CUBN: variants seen among roughly 807,000 people sequenced by gnomAD.
CUBN encodes 460 kDa receptor.
A neutral mutation model predicts 405.3 loss-of-function variants in CUBN; 282 were observed. The observed-to-expected ratio is 0.70, with a 90% CI of 0.63 to 0.77. The LOEUF is 0.77. Among genes scored for constraint, CUBN ranks in the 30% least tolerant of loss-of-function variants. The probability of loss-of-function intolerance (pLI) is 0.00; values close to 1 mark genes in which losing one functional copy is unlikely to be tolerated. For missense variants in CUBN, 4,514 were observed against 4,475.2 expected (o/e 1.01, Z -0.25); for synonymous variants, 1,684 against 1,617.0 (o/e 1.04, Z -0.99).
At chr10:16,899,522 T>C (rs996416156) in intron 53 of CUBN, among the ~76,000 whole-genome samples, 1 of 152,204 alleles carries the variant, frequency 6.6e-6, no homozygotes, top group African/African-American at 2.4e-5. Flanking sequence ...AACCTGGCAA[T>C]GCTAAGTTCT....
intron 43 of CUBN, among the ~76,000 whole-genome samples, chr10:16,920,543 A>G (rs1842006359): frequency 6.6e-6 from 1 of 152,162 alleles, no homozygotes; most frequent in Non-Finnish European, 1.5e-5. Flanking sequence ...ATCTTGGTAT[A>G]TTTAAAAGAC....
At chr10:16,846,584 G>C (rs553899384) in intron 60 of CUBN, among the ~76,000 whole-genome samples, 21 of 152,200 alleles carry the variant, frequency 1.4e-4, no homozygotes, top group African/African-American at 4.1e-4. Context: ...GGCCAAGGTA[G>C]GTGGATCACC....
At position 16,831,229 on chromosome 10, in the gene CUBN, T is replaced by C. The variant is rs1838980305; in HGVS notation, c.10528+23A>G. 2.5e-6 allele frequency: 4 copies of C among 1,612,022 alleles called. No individual in the cohort carries two copies. In the South Asian group the frequency reaches 3.3e-5, roughly 13 times the overall value. On this transcript the variant is annotated intron_variant, in intron 65 of 66. Transcript: ENST00000377833. ...TCATGTTTTTCTCACAGTGCTTTCC[T>C]GTACAAAGTGCAAATGTCTTACCAG...
intron 56 of CUBN, among the ~76,000 whole-genome samples, chr10:16,885,757 A>T (rs1419421817): frequency 6.6e-6 from 1 of 152,186 alleles, no homozygotes; most frequent in East Asian, 1.9e-4. Context: ...CAATTACTAG[A>T]GTCTCCTTTC....
At chr10:17,082,649 G>A (rs1835999265) in intron 17 of CUBN, among the ~76,000 whole-genome samples, 1 of 152,162 alleles carries the variant, frequency 6.6e-6, no homozygotes, top group Admixed American at 6.5e-5. Flanking sequence ...CGTGATCGGA[G>A]AGCCAGGTAT....
intron 22 of CUBN, 28 bp from the exon 23 acceptor site, chr10:17,047,631 GA>G: frequency 6.4e-7 from 1 of 1,570,986 alleles, no homozygotes; most frequent in Non-Finnish European, 8.8e-7. Flanking sequence ...CCATAAGAGA[GA>G]AAATAGAAAA....
chr10:16,948,034 CCTCGTCT>C (rs1322307557), intron 35 of CUBN, among the ~76,000 whole-genome samples: 1 of 152,170 alleles, frequency 6.6e-6, no homozygotes, highest in Non-Finnish European at 1.5e-5. Flanking sequence ...CATAGTGAAA[CCTCGTCT>C]CTACTAAAAA....
At chr10:16,860,042 C>T (rs1839970264) in intron 59 of CUBN, among the ~76,000 whole-genome samples, 1 of 151,714 alleles carries the variant, frequency 6.6e-6, no homozygotes, top group Admixed American at 6.6e-5. Flanking sequence ...ACTACTGAAA[C>T]AAGAGTCACA....
chr10:16,937,623 T>C lies in CUBN; in HGVS notation c.5895A>G (p.Ala1965=). 6.2e-7 allele frequency: 1 copy of C among 1,613,996 alleles called. No homozygotes were observed. The highest frequency in any genetic ancestry group is 2.2e-5 in the East Asian group (1 of 44,848). Residue 1965 remains alanine, a synonymous_variant, in exon 39 of 67, where the codon GCA becomes GCG. Coordinates refer to ENST00000377833, the MANE Select transcript of CUBN (RefSeq NM_001081.4). Reference sequence around the variant, plus strand: ...CAATGGTAGGTAAAACACCATCAGGTGCATCCACTGCAAACCACTCCAGAA... The same window carrying C: ...CAATGGTAGGTAAAACACCATCAGGCGCATCCACTGCAAACCACTCCAGAA... ...GFLLEWFAVD[A]PDGVLPTIAP...
In CUBN at chr10:16,900,979, C is replaced by G. The variant is rs945790229; in HGVS notation, c.8185-129G>C. 4.2e-5 allele frequency: 32 copies of G among 753,880 alleles called. No homozygotes were observed. The African/African-American group carries it at 4.3e-4, about 10-fold the overall frequency. The allele number at this position is 753,880 out of a possible 1,614,324, so 46.7% of individuals were successfully genotyped here. A position where few individuals can be genotyped will look rare whatever the true frequency, so the allele number is the denominator to read the frequency against. ...TATTTTTGTCTCTTATTTAATTCTC[C>G]CTTCCCCTCTACTTTTTTTTCCTTA... On this transcript the variant is annotated intron_variant, in intron 52 of 66. Transcript: ENST00000377833.
chr10:17,002,605 C>T (rs1588570104), intron 28 of CUBN, among the ~76,000 whole-genome samples: 1 of 152,152 alleles, frequency 6.6e-6, no homozygotes, highest in Non-Finnish European at 1.5e-5. Context: ...AGATGAAGGT[C>T]AACTGTGTGG....
chr10:16,907,407 A>T, intron 49 of CUBN, 101 bp downstream of exon 49: 2 of 1,218,182 alleles, frequency 1.6e-6, no homozygotes, highest in Non-Finnish European at 2.4e-6. Context: ...TTCAAGTATC[A>T]CTAAAGGGAA....
chr10:17,034,748 A>G (rs1241267591), intron 27 of CUBN, among the ~76,000 whole-genome samples: 1 of 152,192 alleles, frequency 6.6e-6, no homozygotes, highest in African/African-American at 2.4e-5. Flanking sequence ...AAGGAAATCT[A>G]TAAACACTAA....
At chr10:16,949,735 ATTC>A (rs1455541833) in intron 34 of CUBN, among the ~76,000 whole-genome samples, 1 of 152,116 alleles carries the variant, frequency 6.6e-6, no homozygotes, top group South Asian at 2.1e-4. Flanking sequence ...GCATTCCACT[ATTC>A]TTTAAAGCAG....
At chr10:16,843,350 G>C (rs774191208) in intron 60 of CUBN, among the ~76,000 whole-genome samples, 25 of 152,110 alleles carry the variant, frequency 1.6e-4, no homozygotes, top group Non-Finnish European at 3.4e-4. Context: ...TGTGTTCAAG[G>C]CCTCAGAACA....
intron 31 of CUBN, among the ~76,000 whole-genome samples, chr10:16,978,076 T>C (rs756939683): frequency 2.6e-5 from 4 of 152,220 alleles, no homozygotes; most frequent in African/African-American, 4.8e-5. Flanking sequence ...GCTTCAGATT[T>C]TGGGGATTCA....
At chr10:17,101,671 G>A (rs900490022) in intron 13 of CUBN, among the ~76,000 whole-genome samples, 21 of 152,026 alleles carry the variant, frequency 1.4e-4, no homozygotes, top group African/African-American at 4.6e-4. Flanking sequence ...AATTAATGTC[G>A]GGTATAAGAG....
chr10:16,860,143 G>C (rs1338532471), intron 59 of CUBN, among the ~76,000 whole-genome samples: 12 of 151,828 alleles, frequency 7.9e-5, no homozygotes, highest in Non-Finnish European at 1.8e-4. Flanking sequence ...AAAAAGAAGT[G>C]GGACAAACAA....
At chr10:17,119,665 CAAACA>C (rs1349997655) in intron 6 of CUBN, among the ~76,000 whole-genome samples, 1 of 151,978 alleles carries the variant, frequency 6.6e-6, no homozygotes, top group African/African-American at 2.4e-5. Flanking sequence ...CAAACAAAAA[CAAACA>C]AAACAAAACA....
Sources: allele counts gnomAD v4.1 joint callset (sites outside exome capture counted in the v4.1 genomes callset), GRCh38; gene constraint gnomAD v4.1.1; transcripts MANE v1.5; gene names NCBI Gene and HGNC (gene_info 2026-07-23, HGNC 2026-07-21).